The following UTP20 variants were observed in gnomAD, a reference collection of about 807,000 sequenced individuals.
UTP20 encodes the protein small subunit processome component 20 homolog.
Under a neutral mutation model 329.5 loss-of-function variants are expected in UTP20, and 164 were observed. The ratio of observed to expected loss-of-function variants is 0.50; its 90% CI spans 0.44 to 0.57. The LOEUF (loss-of-function observed/expected upper bound fraction) is 0.57. Ranked by LOEUF, UTP20 falls within the 20% of genes least tolerant of loss-of-function variation. The probability of loss-of-function intolerance (pLI) is 0.00; values close to 1 mark genes in which losing one functional copy is unlikely to be tolerated. For synonymous variants in UTP20, 1,151 were observed against 1,159.3 expected (o/e 0.99, Z 0.14); for missense variants, 3,055 against 3,284.2 (o/e 0.93, Z 1.71).
In UTP20 at chr12:101,342,826, G is replaced by A; in HGVS notation, c.4285G>A (p.Asp1429Asn). Residue 1429 changes from aspartate to asparagine, a missense_variant, in exon 34 of 62, where the codon GAT (aspartate) becomes AAT (asparagine). This residue lies in a region of UTP20 where 2,445 missense variants were observed against 2,575.5 expected (regional missense o/e 0.95). Transcript: ENST00000261637. ...DFESGLKYIT[D>N]VVKLNAFDQR... ...TGAGAGTGGGTTAAAATATATTACT[G>A]ATGTTGTCAAGGTAAGAAAGAAGGG... The A allele has an allele frequency of 5.0e-6, 8 of 1,613,288 alleles. No individual in the cohort carries two copies. Among genetic ancestry groups the A allele is most frequent in the Admixed American group, 1.7e-5 (1 of 59,958 alleles).
Position 101,352,049 on chromosome 12 carries a change from T to A in UTP20, c.4885-6T>A. ...TCTGCATTGATGTTCTTGATTTGTT[T>A]TACAGCATGAAAATATAACCACTGC... On this transcript the variant is annotated splice_polypyrimidine_tract_variant and splice_region_variant and intron_variant, in intron 38 of 61. Coordinates refer to ENST00000261637, the MANE Select transcript of UTP20 (RefSeq NM_014503.3). 6.2e-7 allele frequency: 1 copy of A among 1,613,068 alleles called. No homozygotes were observed. Among genetic ancestry groups the A allele is most frequent in the Non-Finnish European group, 8.5e-7 (1 of 1,179,886 alleles).
intron 39 of UTP20, 34 bp downstream of exon 39, chr12:101,352,228 T>C (rs779925660): frequency 1.9e-6 from 3 of 1,587,480 alleles, no homozygotes; most frequent in Admixed American, 3.8e-5. Flanking sequence ...GTTTTGTTTT[T>C]TAAATGTAAT....
At chr12:101,356,332 G>C (rs1004628089) in intron 41 of UTP20, among the ~76,000 whole-genome samples, 1 of 152,132 alleles carries the variant, frequency 6.6e-6, no homozygotes, top group Non-Finnish European at 1.5e-5. Flanking sequence ...CTCCAGGTTG[G>C]TCAGGGTGGT....
At chr12:101,287,243 G>C (rs535542635) in intron 5 of UTP20, among the ~76,000 whole-genome samples, 7 of 152,282 alleles carry the variant, frequency 4.6e-5, no homozygotes, top group African/African-American at 1.7e-4. Context: ...TCAGCCCACC[G>C]TTCTCTTTTA....
Position 101,379,505 on chromosome 12 carries a change from C to G in UTP20, c.7531C>G (p.His2511Asp), listed in dbSNP as rs1273359798. ...ATGGAATACCAAAAAGACCAAAAAA[C>G]ACCTCCCAGAACCTGTAGCAATCAA... ...QKWNTKKTKK[H>D]LPEPVAIKFL... The change falls in exon 57 of 62, where the codon CAC (histidine) becomes GAC (aspartate). Residue 2511 changes from histidine (H) to aspartate (D), a missense_variant. Physicochemically the swap from His to Asp is moderately conservative, Grantham distance 81 (BLOSUM62 -1). Around this residue, in one of 3 missense-constraint regions of UTP20, gnomAD observed 337 missense variants for 345.5 expected, o/e 0.98. Transcript: ENST00000261637. 6.2e-7 allele frequency: 1 copy of G among 1,614,148 alleles called. No homozygotes were observed. Among genetic ancestry groups the G allele is most frequent in the South Asian group, 1.1e-5 (1 of 91,074 alleles).
intron 48 of UTP20, among the ~76,000 whole-genome samples, chr12:101,369,339 T>C (rs10745912): frequency 0.22 from 33,264 of 152,134 alleles, 8,255 homozygotes; most frequent in African/African-American, 0.58. Flanking sequence ...AAAATATGGC[T>C]GGGCATGGTG....
rs751026801 is a variant in UTP20 at position 101,383,680 on chromosome 12, C to T, written c.8056+11C>T. 1 of 1,560,804 alleles carries T rather than the reference C, an allele frequency of 6.4e-7. No homozygotes were observed. The highest frequency in any genetic ancestry group is 8.7e-7 in the Non-Finnish European group (1 of 1,149,380). On this transcript the variant is annotated intron_variant, in intron 60 of 61. Transcript: ENST00000261637. ...CCTATTCAGAGCAAGGTAACCCTGC[C>T]TCGTCTGTTCTCCTGCCTTTTGCAC... is the stretch of plus-strand genomic sequence containing the variant.
At position 101,288,835 on chromosome 12, in the gene UTP20, T is replaced by G; in HGVS notation, c.516-125T>G. 3 of 804,448 alleles carry G rather than the reference T, an allele frequency of 3.7e-6. No individual in the cohort carries two copies. The Admixed American group carries it at 8.6e-5, about 23-fold the overall frequency. 49.8% of individuals were successfully genotyped at this position (804,448 alleles called of 1,614,324 possible). A position where few individuals can be genotyped will look rare whatever the true frequency, so the allele number is the denominator to read the frequency against. ...TCCATAAATGAATGAGATTTTAAAT[T>G]TGTTTGATACCTGCTGTGTATTCCT... On this transcript the variant is annotated intron_variant, in intron 5 of 61. Transcript: ENST00000261637.
chr12:101,316,983 C>CA (rs1024639590), intron 21 of UTP20, among the ~76,000 whole-genome samples: 70 of 152,222 alleles, frequency 4.6e-4, no homozygotes, highest in Non-Finnish European at 8.8e-4. Flanking sequence ...TGTGGCTGCT[C>CA]AAAAAAGTTC....
chr12:101,333,152 T>C, intron 27 of UTP20, 149 bp from the exon 28 acceptor site: 1 of 721,652 alleles, frequency 1.4e-6, no homozygotes, highest in Non-Finnish European at 2.2e-6. Flanking sequence ...GTTTGCTTGG[T>C]TGGTGTTCCC....
chr12:101,346,001 G>A (rs1312489867), intron 37 of UTP20, among the ~76,000 whole-genome samples: 6 of 152,154 alleles, frequency 3.9e-5, no homozygotes, highest in Non-Finnish European at 8.8e-5. Context: ...GCAAATCAAG[G>A]CACAGGTGTT....
chr12:101,338,822 C>T lies in UTP20; in HGVS notation c.3878C>T (p.Thr1293Ile). 1 of 1,606,340 alleles carries T rather than the reference C, an allele frequency of 6.2e-7. No individual in the cohort carries two copies. The highest frequency in any genetic ancestry group is 8.5e-7 in the Non-Finnish European group (1 of 1,177,916). ...GIAENIGESI[T>I]IGGRLILPHV... ...TCACTATCTATTTCAGAGTCTATCA[C>T]AATAGGAGGAAGATTAATTCTACCT... Residue 1293 changes from threonine to isoleucine, a missense_variant, in exon 31 of 62, where the codon ACA becomes ATA. Transcript: ENST00000261637.
intron 40 of UTP20, among the ~76,000 whole-genome samples, chr12:101,354,017 TTGGGA>T (rs1377917697): frequency 9.2e-5 from 14 of 151,994 alleles, no homozygotes; most frequent in Non-Finnish European, 2.1e-4. Flanking sequence ...CCCAGCACTT[TTGGGA>T]GGCCTACGCA....
At chr12:101,367,122 A>C (rs574306641) in intron 47 of UTP20, among the ~76,000 whole-genome samples, 5 of 152,124 alleles carry the variant, frequency 3.3e-5, no homozygotes, top group African/African-American at 1.2e-4. Flanking sequence ...TCTACAAAAA[A>C]AAATTTTTTT....
chr12:101,321,998 T>A (rs957642883), intron 25 of UTP20, among the ~76,000 whole-genome samples: 6 of 149,286 alleles, frequency 4.0e-5, no homozygotes, highest in African/African-American at 1.5e-4. Flanking sequence ...TCTTTATTTA[T>A]TTTTTTTTTA....
Position 101,338,099 on chromosome 12 carries a change from T to C in UTP20, c.3690T>C (p.Asp1230=). The part of the protein sequence containing the change: ...AKQKPGHPEC[D]ILTNVFAILS... ...AGAAGCCTGGGCACCCAGAATGTGA[T>C]ATCCTGACCAATGTTTTTGCAATTC... The change falls in exon 30 of 62, where the codon GAT becomes GAC. Residue 1230 remains aspartate (D), a synonymous_variant. Transcript: ENST00000261637. 1.2e-6 allele frequency: 2 copies of C among 1,614,210 alleles called. No homozygotes were observed. The highest frequency in any genetic ancestry group is 1.7e-6 in the Non-Finnish European group (2 of 1,180,026).
intron 12 of UTP20, among the ~76,000 whole-genome samples, chr12:101,297,576 A>T (rs1872397104): frequency 6.6e-6 from 1 of 152,236 alleles, no homozygotes; most frequent in South Asian, 2.1e-4. Context: ...CTATTAAAAT[A>T]TGCCAACAGA....
chr12:101,339,981 T>C (rs917320877), intron 31 of UTP20, among the ~76,000 whole-genome samples: 3 of 152,208 alleles, frequency 2.0e-5, no homozygotes, highest in Non-Finnish European at 4.4e-5. Context: ...CCAGGCTATG[T>C]AGTAGTAGAA....
chr12:101,373,345 T>C, intron 52 of UTP20, 56 bp from the exon 53 acceptor site: 1 of 1,485,730 alleles, frequency 6.7e-7, no homozygotes, highest in South Asian at 1.2e-5. Context: ...ATTTTTTAAA[T>C]AATTATTTGT....
Sources: allele counts gnomAD v4.1 joint callset (sites outside exome capture counted in the v4.1 genomes callset), GRCh38; gene constraint gnomAD v4.1.1; regional missense constraint gnomAD v4.1.1; transcripts MANE v1.5; gene names NCBI Gene and HGNC (gene_info 2026-07-23, HGNC 2026-07-21).